TFDP2: variants seen among roughly 807,000 people sequenced by gnomAD.
The protein encoded by TFDP2 is transcription factor Dp-2 (E2F dimerization partner 2).
In TFDP2, 17 loss-of-function variants were observed where a neutral mutation model predicts 59.3. The observed-to-expected ratio is 0.29, with a 90% CI of 0.20 to 0.43. The LOEUF (loss-of-function observed/expected upper bound fraction) is 0.43. Ranked by LOEUF, TFDP2 falls within the 20% of genes least tolerant of loss-of-function variation. The pLI is 1.00. For missense variants in TFDP2, 391 were observed against 528.8 expected (o/e 0.74, Z 2.56); for synonymous variants, 180 against 194.7 (o/e 0.92, Z 0.63).
intron 3 of TFDP2, among the ~76,000 whole-genome samples, chr3:142,082,263 T>C (rs2060662562): frequency 6.6e-6 from 1 of 152,218 alleles, no homozygotes. Context: ...GACCACCTAG[T>C]TGCAGGAAAA....
chr3:141,974,918 T>C (rs1940383942), intron 7 of TFDP2, among the ~76,000 whole-genome samples: 1 of 141,672 alleles, frequency 7.1e-6, no homozygotes, highest in Admixed American at 7.0e-5. Context: ...TTTTTTTTTT[T>C]TTTTTTTTTT....
intron 3 of TFDP2, among the ~76,000 whole-genome samples, chr3:142,079,373 C>T (rs1160725338): frequency 6.6e-6 from 1 of 151,988 alleles, no homozygotes. Context: ...ATGAAGCACA[C>T]CTACAAGATC....
Position 141,963,889 on chromosome 3 carries a change from G to A in TFDP2, c.807C>T (p.Asn269=), listed in dbSNP as rs754443361. ...EQQNQGPPAL[N]STIQLPFIII... The stretch of plus-strand genomic sequence containing the variant: ...TTATGAATGGCAGCTGAATGGTAGA[G>A]TTCAGAGCCGGCGGGCCCTGGTTTT... The change falls in exon 10 of 13, where the codon AAC becomes AAT. Residue 269 remains asparagine (N), a synonymous_variant. Transcript: ENST00000489671. 1 of 1,613,684 alleles carries A rather than the reference G, an allele frequency of 6.2e-7. No homozygotes were observed. Among genetic ancestry groups the A allele is most frequent in the South Asian group, 1.1e-5 (1 of 91,070 alleles).
intron 1 of TFDP2, among the ~76,000 whole-genome samples, chr3:142,120,582 T>G (rs142756471): frequency 4.7e-4 from 71 of 152,296 alleles, no homozygotes; most frequent in African/African-American, 1.7e-3. Flanking sequence ...ATCAGGTGAC[T>G]GAAATGTTGT....
chr3:142,049,186 C>T (rs1014757230), intron 3 of TFDP2, among the ~76,000 whole-genome samples: 7 of 152,116 alleles, frequency 4.6e-5, no homozygotes, highest in African/African-American at 1.7e-4. Context: ...TAAACTACGG[C>T]CCAATATCCC....
chr3:142,092,570 C>T (rs1483416973), intron 3 of TFDP2, among the ~76,000 whole-genome samples: 2 of 152,114 alleles, frequency 1.3e-5, no homozygotes, highest in Admixed American at 6.6e-5. Flanking sequence ...CCTTCTGCCT[C>T]GGCCTCCCAA....
chr3:142,052,039 T>C (rs955426498), intron 3 of TFDP2, among the ~76,000 whole-genome samples: 5 of 152,000 alleles, frequency 3.3e-5, no homozygotes, highest in Non-Finnish European at 4.4e-5. Flanking sequence ...GGTGGGAGGA[T>C]AGCTTGAGCC....
intron 3 of TFDP2, among the ~76,000 whole-genome samples, chr3:142,080,217 A>G (rs978355025): frequency 6.6e-6 from 1 of 152,138 alleles, no homozygotes; most frequent in Non-Finnish European, 1.5e-5. Flanking sequence ...TGCCCGCCTC[A>G]GCCTCCCAAA....
intron 4 of TFDP2, chr3:142,000,172 A>C: frequency 4.6e-6 from 3 of 645,866 alleles, no homozygotes; most frequent in African/African-American, 1.8e-5. Context: ...TAGACTGGGT[A>C]ATTAATTAAT....
chr3:141,951,722 T>C lies in TFDP2; in HGVS notation c.*791A>G, dbSNP rs1935960396. On this transcript the variant is annotated 3_prime_UTR_variant, in exon 13 of 13. Transcript: ENST00000489671. ...TAACCTAAAGATACAGTTTCCTTCT[T>C]TGTAAAACTCCAGATTTAGGATGCT... 6.6e-6 allele frequency: 1 copy of C among 152,650 alleles called. No homozygotes were observed. The highest frequency in any genetic ancestry group is 2.1e-4 in the South Asian group (1 of 4,828). The allele number at this position is 152,650 out of a possible 1,614,324, so 9.5% of individuals were successfully genotyped here. A position where few individuals can be genotyped will look rare whatever the true frequency, so the allele number is the denominator to read the frequency against.
chr3:142,110,781 A>G (rs985511127), intron 1 of TFDP2, among the ~76,000 whole-genome samples: 1 of 151,618 alleles, frequency 6.6e-6, no homozygotes, highest in Non-Finnish European at 1.5e-5. Context: ...GTATGATCCT[A>G]TCTCTCAAAA....
intron 1 of TFDP2, among the ~76,000 whole-genome samples, chr3:142,140,862 ACTGTCCATT>A (rs2062927381): frequency 6.6e-6 from 1 of 152,152 alleles, no homozygotes; most frequent in South Asian, 2.1e-4. Context: ...GAGGAGGCTG[ACTGTCCATT>A]CTCAGAGCTC....
chr3:141,971,139 A>C (rs72990232), intron 8 of TFDP2, among the ~76,000 whole-genome samples: 5,289 of 151,980 alleles, frequency 0.035, 328 homozygotes, highest in African/African-American at 0.12. Context: ...CAATCTGATA[A>C]CTACTCAGAG....
At chr3:142,008,255 T>A (rs1944373682) in intron 3 of TFDP2, among the ~76,000 whole-genome samples, 1 of 151,902 alleles carries the variant, frequency 6.6e-6, no homozygotes, top group Admixed American at 6.6e-5. Flanking sequence ...TTACTAGATA[T>A]CCTACCTCTA....
At chr3:141,954,368 C>T (rs1287638727) in intron 11 of TFDP2, among the ~76,000 whole-genome samples, 1 of 151,932 alleles carries the variant, frequency 6.6e-6, no homozygotes, top group Non-Finnish European at 1.5e-5. Flanking sequence ...TGGCGGGGCG[C>T]GGTGGCTCAT....
intron 3 of TFDP2, among the ~76,000 whole-genome samples, chr3:142,067,546 C>T (rs1560107237): frequency 1.3e-5 from 2 of 152,068 alleles, no homozygotes; most frequent in Admixed American, 6.6e-5. Flanking sequence ...TTCAGTTATT[C>T]TCAACTTGAT....
intron 3 of TFDP2, among the ~76,000 whole-genome samples, chr3:142,017,946 A>G (rs909068325): frequency 2.9e-4 from 43 of 148,308 alleles, no homozygotes; most frequent in African/African-American, 1.0e-3. Context: ...TATTTTATTT[A>G]TTTATTTATT....
chr3:142,010,426 T>C (rs1243917875), intron 3 of TFDP2, among the ~76,000 whole-genome samples: 1 of 151,992 alleles, frequency 6.6e-6, no homozygotes, highest in African/African-American at 2.4e-5. Context: ...TTGGCCAACA[T>C]GGTGAAATTC....
At chr3:142,070,328 A>G (rs1379258081) in intron 3 of TFDP2, among the ~76,000 whole-genome samples, 2 of 152,100 alleles carry the variant, frequency 1.3e-5, no homozygotes, top group African/African-American at 4.8e-5. Context: ...GAGTACAAGT[A>G]CAATGGCACG....
Sources: allele counts gnomAD v4.1 joint callset (sites outside exome capture counted in the v4.1 genomes callset), GRCh38; gene constraint gnomAD v4.1.1; transcripts MANE v1.5; gene names NCBI Gene and HGNC (gene_info 2026-07-23, HGNC 2026-07-21).